The following HDAC9 variants were observed in gnomAD, a reference collection of about 807,000 sequenced individuals.
HDAC9 encodes histone deacetylase 9.
HDAC9 carries 41 observed loss-of-function variants against 139.4 expected under a neutral mutation model. The ratio of observed to expected loss-of-function variants is 0.29; its 90% CI spans 0.23 to 0.38. The LOEUF is 0.38. HDAC9 is among the 10% of genes least tolerant of loss of function. The pLI is 1.00. For synonymous variants in HDAC9, 517 were observed against 476.2 expected (o/e 1.09, Z -1.12); for missense variants, 1,147 against 1,297.0 (o/e 0.88, Z 1.78).
rs1292666829 is a variant in HDAC9, at chr7:18,222,819, A to C, written c.25+60470A>C. 2.6e-5 allele frequency among the ~76,000 whole-genome samples: 4 copies of C among 152,270 alleles called. No individual in the cohort carries two copies. In the East Asian group the frequency reaches 7.7e-4, roughly 29 times the overall value. The stretch of plus-strand genomic sequence containing the variant: ...GTTGGTTTGTTTTGCTATTTTAATA[A>C]CAGTATGAAGAAATACCTCTTTTGT... On this transcript the variant is annotated intron_variant, in intron 2 of 12. Coordinates refer to the HDAC9 transcript ENST00000417496.
At chr7:18,245,280 C>T (rs1415270818) in intron 2 of HDAC9, among the ~76,000 whole-genome samples, 1 of 152,192 alleles carries the variant, frequency 6.6e-6, no homozygotes, top group East Asian at 1.9e-4. Flanking sequence ...GTGGTATCGT[C>T]ACATCAGAGG....
At chr7:18,790,083 T>C (rs1423527405) in intron 16 of HDAC9, among the ~76,000 whole-genome samples, 5 of 152,286 alleles carry the variant, frequency 3.3e-5, no homozygotes, top group East Asian at 3.9e-4. Flanking sequence ...TGTTTTATCA[T>C]TGAAGTTCTT....
chr7:18,453,916 A>G (rs1325605526), intron 1 of HDAC9, among the ~76,000 whole-genome samples: 1 of 152,156 alleles, frequency 6.6e-6, no homozygotes, highest in African/African-American at 2.4e-5. Flanking sequence ...GGAGCCTTGA[A>G]TAAATGGGGA....
intron 22 of HDAC9, among the ~76,000 whole-genome samples, chr7:18,929,938 C>CAAA (rs778056495): frequency 2.3e-5 from 3 of 130,256 alleles, no homozygotes; most frequent in Non-Finnish European, 5.1e-5. Flanking sequence ...GACGCCGCCT[C>CAAA]AAAAAAAAAA....
At chr7:18,540,712 AC>A (rs545087493) in intron 2 of HDAC9, among the ~76,000 whole-genome samples, 48 of 152,352 alleles carry the variant, frequency 3.2e-4, no homozygotes, top group African/African-American at 1.1e-3. Context: ...TGAAGGAGGT[AC>A]AGAGAACTTG....
chr7:18,917,441 C>T (rs1278233541), intron 22 of HDAC9, among the ~76,000 whole-genome samples: 2 of 150,736 alleles, frequency 1.3e-5, no homozygotes, highest in Non-Finnish European at 3.0e-5. Flanking sequence ...AGAAAAGACA[C>T]GTATATATGA....
At chr7:18,103,638 A>G (rs1207087379) in intron 1 of HDAC9, among the ~76,000 whole-genome samples, 1 of 152,188 alleles carries the variant, frequency 6.6e-6, no homozygotes, top group Non-Finnish European at 1.5e-5. Flanking sequence ...TATATGCAGT[A>G]AGTCCTCACT....
chr7:18,518,175 G>GTGAT (rs1297024558), intron 2 of HDAC9: 5 of 152,072 alleles, frequency 3.3e-5, no homozygotes, highest in Non-Finnish European at 5.9e-5. Flanking sequence ...CTCTCCCACA[G>GTGAT]TGATTGATTT....
At chr7:18,446,547 A>T (rs1046645611) in intron 1 of HDAC9, among the ~76,000 whole-genome samples, 4 of 152,162 alleles carry the variant, frequency 2.6e-5, no homozygotes, top group Non-Finnish European at 5.9e-5. Context: ...ATACTTGCTT[A>T]TTGTTTTCAA....
chr7:18,305,263 C>T (rs1798832161), intron 1 of HDAC9, among the ~76,000 whole-genome samples: 2 of 152,148 alleles, frequency 1.3e-5, no homozygotes, highest in Admixed American at 6.5e-5. Flanking sequence ...TAGCAAAAAT[C>T]GTATACCCTC....
intron 1 of HDAC9, among the ~76,000 whole-genome samples, chr7:18,316,854 G>A (rs910846893): frequency 2.0e-5 from 3 of 150,982 alleles, no homozygotes; most frequent in African/African-American, 7.3e-5. Flanking sequence ...AGCACTTTGG[G>A]AGGCCGAGGC....
chr7:18,972,369 CTTTTTTTTTTTTTTTT>C (rs199909134), intron 24 of HDAC9, among the ~76,000 whole-genome samples: 4 of 94,892 alleles, frequency 4.2e-5, no homozygotes, highest in Admixed American at 2.4e-4. Context: ...ATGAACTTCT[CTTTTTTTTTTTTTTTT>C]TTTTTTTTTT....
intron 12 of HDAC9, among the ~76,000 whole-genome samples, chr7:18,714,429 G>C (rs1255385150): frequency 6.6e-6 from 1 of 151,988 alleles, no homozygotes; most frequent in African/African-American, 2.4e-5. Context: ...CCTTAGATAG[G>C]GTGCAAGTAC....
intron 14 of HDAC9, among the ~76,000 whole-genome samples, chr7:18,751,206 G>A (rs557792384): frequency 3.9e-5 from 6 of 152,126 alleles, no homozygotes; most frequent in South Asian, 2.1e-4. Context: ...AGCACTAACC[G>A]ACGTAATATC....
At chr7:18,952,817 GTT>G (rs11410404) in intron 23 of HDAC9, among the ~76,000 whole-genome samples, 4 of 141,856 alleles carry the variant, frequency 2.8e-5, no homozygotes, top group Non-Finnish European at 4.6e-5. Flanking sequence ...TGGTGGTGAT[GTT>G]TTTTTTTTTT....
intron 7 of HDAC9, among the ~76,000 whole-genome samples, chr7:18,631,857 A>G (rs1476499370): frequency 6.6e-6 from 1 of 152,028 alleles, no homozygotes; most frequent in African/African-American, 2.4e-5. Flanking sequence ...TCAGAAAATC[A>G]GTTGCTATCT....
chr7:18,491,013 T>C, upstream of HDAC9, among the ~76,000 whole-genome samples: 1 of 151,928 alleles, frequency 6.6e-6, no homozygotes, highest in East Asian at 1.9e-4. Context: ...AGTCTCTGCT[T>C]GATTACAGAT....
intron 16 of HDAC9, among the ~76,000 whole-genome samples, chr7:18,789,706 C>T (rs1792137497): frequency 6.6e-6 from 1 of 152,258 alleles, no homozygotes; most frequent in African/African-American, 2.4e-5. Flanking sequence ...CATTTCAGCC[C>T]CTTAATCCTG....
intron 22 of HDAC9, among the ~76,000 whole-genome samples, chr7:18,896,332 TA>T (rs1229888924): frequency 1.3e-5 from 2 of 152,090 alleles, no homozygotes; most frequent in Non-Finnish European, 2.9e-5. Context: ...AAAATATGTA[TA>T]TTTTTTCCAA....
Sources: allele counts gnomAD v4.1 joint callset (sites outside exome capture counted in the v4.1 genomes callset), GRCh38; gene constraint gnomAD v4.1.1; transcripts MANE v1.5; gene names NCBI Gene and HGNC (gene_info 2026-07-23, HGNC 2026-07-21).